Variants in SELENOO observed in about 807,000 individuals in gnomAD.
The protein encoded by SELENOO is protein adenylyltransferase SelO, mitochondrial.
SELENOO carries 74 observed loss-of-function variants against 58.7 expected under a neutral mutation model. That is an observed-to-expected ratio of 1.26 (90% CI 1.04 to 1.53). The LOEUF (loss-of-function observed/expected upper bound fraction) is 1.53. Ranked by LOEUF, SELENOO falls within the 40% of genes most tolerant of loss-of-function variation. The probability of loss-of-function intolerance (pLI) is 0.00; values close to 1 mark genes in which losing one functional copy is unlikely to be tolerated. For synonymous variants in SELENOO, 543 were observed against 453.2 expected (o/e 1.20, Z -2.52); for missense variants, 1,149 against 970.0 (o/e 1.18, Z -2.45).
chr22:50,216,342 G>A lies in SELENOO; in HGVS notation c.1503-349G>A, dbSNP rs146679650. Among the ~76,000 whole-genome samples the A allele has an allele frequency of 6.0e-3, 915 of 152,378 alleles. 8 individuals are homozygous for A. Among genetic ancestry groups the A allele is most frequent in the African/African-American group, 0.021 (862 of 41,592 alleles). On this transcript the variant is annotated intron_variant, in intron 6 of 8. Transcript: ENST00000380903. ...ATAAACCCCCTCCACTGGAGAAGGC[G>A]TGGCCCCTGCCCACCTGGACCCTTC...
At position 50,206,342 on chromosome 22, in the gene SELENOO, C is replaced by T. The variant is rs747441468; in HGVS notation, c.580C>T (p.Arg194Trp). 44 of 1,613,998 alleles carry T rather than the reference C, an allele frequency of 2.7e-5. No homozygotes were observed. Among genetic ancestry groups the T allele is most frequent in the East Asian group, 4.5e-5 (2 of 44,888 alleles). Reference protein sequence around the residue: ...SRQADGRKVLRSSIREFLCSE... With the variant: ...SRQADGRKVLWSSIREFLCSE... ...ACAGGCCGACGGTCGCAAGGTCCTA[C>T]GGTCAAGCATCCGGGAGTTTCTATG... Residue 194 changes from arginine (R) to tryptophan (W), a missense_variant, in exon 2 of 9, where the codon CGG (arginine) becomes TGG (tryptophan). By Grantham distance (101) the Arg-to-Trp change is moderately radical (BLOSUM62 -3). Coordinates refer to ENST00000380903, the MANE Select transcript of SELENOO (RefSeq NM_031454.2).
chr22:50,209,694 C>T lies in SELENOO; in HGVS notation c.940-487C>T, dbSNP rs558820876. ...TGTTCAGCAGGGCCGGTGGGGCCCT[C>T]AGTGCACCCTGCACCTTGGGGGCTC... On this transcript the variant is annotated intron_variant, in intron 3 of 8. Coordinates refer to ENST00000380903, the MANE Select transcript of SELENOO (RefSeq NM_031454.2). Among the ~76,000 whole-genome samples the T allele has an allele frequency of 5.9e-5, 9 of 152,316 alleles. No individual in the cohort carries two copies. The East Asian group carries it at 1.7e-3, about 29-fold the overall frequency.
chr22:50,216,239 G>A (rs576131187), intron 6 of SELENOO, among the ~76,000 whole-genome samples: 2 of 152,348 alleles, frequency 1.3e-5, no homozygotes, highest in East Asian at 1.9e-4. Flanking sequence ...ATGAGACGTG[G>A]AAAATATTGT....
intron 1 of SELENOO, among the ~76,000 whole-genome samples, chr22:50,204,285 C>T (rs2064318728): frequency 6.6e-6 from 1 of 151,896 alleles, no homozygotes; most frequent in African/African-American, 2.4e-5. Flanking sequence ...GAGCCAAGAT[C>T]ACACCACTGC....
Position 50,210,848 on chromosome 22 carries a change from C to T in SELENOO, c.1288C>T (p.Gln430Ter), listed in dbSNP as rs1263240619. The change falls in exon 5 of 9, where the codon CAG becomes TAG. Residue 430 changes from glutamine to a stop codon, truncating the protein, a stop_gained. Coordinates refer to ENST00000380903, the MANE Select transcript of SELENOO (RefSeq NM_031454.2). LOFTEE classifies it high-confidence loss of function. ...GATGCGCAGGAAGCTGGGCCTCGTGCAGGTGGAGCTGGAGGAAGACGGGGC... is the reference window on the plus strand; with the variant it reads ...GATGCGCAGGAAGCTGGGCCTCGTGTAGGTGGAGCTGGAGGAAGACGGGGC... ...QKMRRKLGLV[Q>*]VELEEDGALV... 52 of 1,614,032 alleles carry T rather than the reference C, an allele frequency of 3.2e-5. No individual in the cohort carries two copies. The highest frequency in any genetic ancestry group is 4.2e-5 in the Non-Finnish European group (49 of 1,180,048).
intron 5 of SELENOO, among the ~76,000 whole-genome samples, chr22:50,215,047 C>T (rs934181038): frequency 1.3e-5 from 2 of 152,126 alleles, no homozygotes; most frequent in Non-Finnish European, 2.9e-5. Context: ...TGTGTGTAGT[C>T]GACTTTTTTG....
intron 1 of SELENOO, 25 bp downstream of exon 1, chr22:50,201,615 C>CG (rs2064301920): frequency 8.0e-7 from 1 of 1,244,566 alleles, no homozygotes; most frequent in African/African-American, 1.6e-5. Context: ...GCGAGGGGCG[C>CG]GGGTGGGTCC....
chr22:50,208,581 G>A lies in SELENOO; in HGVS notation c.804G>A (p.Gly268=). 1 of 1,613,930 alleles carries A rather than the reference G, an allele frequency of 6.2e-7. No individual in the cohort carries two copies. Among genetic ancestry groups the A allele is most frequent in the African/African-American group, 1.3e-5 (1 of 75,054 alleles). The change falls in exon 3 of 9, where the codon GGG becomes GGA. Residue 268 remains glycine (G), a synonymous_variant. Coordinates refer to ENST00000380903, the MANE Select transcript of SELENOO (RefSeq NM_031454.2). The part of the protein sequence containing the change: ...EIFKSADEHT[G]RAGPSVGRND... ...TTAAGTCTGCAGATGAGCACACAGG[G>A]CGTGCAGGCCCCAGCGTGGGGAGGA...
At chr22:50,202,084 C>T (rs758732405) in intron 1 of SELENOO, among the ~76,000 whole-genome samples, 3 of 152,112 alleles carry the variant, frequency 2.0e-5, no homozygotes, top group Admixed American at 6.5e-5. Context: ...GTCCAGATGC[C>T]GCCAGGCCCA....
At chr22:50,214,996 C>T (rs2064395582) in intron 5 of SELENOO, among the ~76,000 whole-genome samples, 1 of 152,358 alleles carries the variant, frequency 6.6e-6, no homozygotes, top group African/African-American at 2.4e-5. Context: ...GGGGGAGCTT[C>T]TGCCATGTTT....
intron 3 of SELENOO, 93 bp downstream of exon 3, chr22:50,208,809 G>C: frequency 7.9e-7 from 1 of 1,270,740 alleles, no homozygotes; most frequent in Non-Finnish European, 1.1e-6. Context: ...GGGGACAAAG[G>C]CTTTTACCCA....
intron 5 of SELENOO, 79 bp from the exon 6 acceptor site, chr22:50,215,638 G>A (rs1602496518): frequency 4.2e-6 from 2 of 478,210 alleles, no homozygotes; most frequent in East Asian, 5.1e-5. Flanking sequence ...AGGGGGGTGG[G>A]GGGGGGGGGG....
At chr22:50,214,674 A>T (rs1353536941) in intron 5 of SELENOO, among the ~76,000 whole-genome samples, 1 of 152,072 alleles carries the variant, frequency 6.6e-6, no homozygotes, top group Non-Finnish European at 1.5e-5. Flanking sequence ...CTGAGGTAGG[A>T]GAATTGCTGG....
At chr22:50,210,484 G>A in intron 4 of SELENOO, 147 bp from the exon 5 acceptor site, 3 of 1,372,108 alleles carry the variant, frequency 2.2e-6, no homozygotes, top group East Asian at 2.4e-5. Flanking sequence ...CTTGGCCAGG[G>A]GCTGGTGAGA....
chr22:50,208,608 C>T lies in SELENOO; in HGVS notation c.831C>T (p.Asn277=), dbSNP rs371357829. 21 of 1,613,934 alleles carry T rather than the reference C, an allele frequency of 1.3e-5. No homozygotes were observed. The East Asian group carries it at 2.9e-4, about 22-fold the overall frequency. The change falls in exon 3 of 9, where the codon AAC becomes AAT. Residue 277 remains asparagine, a synonymous_variant. Coordinates refer to ENST00000380903, the MANE Select transcript of SELENOO (RefSeq NM_031454.2). ...TGRAGPSVGR[N]DIRVQLLDYV... ...GTGCAGGCCCCAGCGTGGGGAGGAA[C>T]GACATTCGAGTGCAGCTGCTCGACT...
intron 2 of SELENOO, among the ~76,000 whole-genome samples, chr22:50,208,254 AC>A (rs1214193064): frequency 1.3e-5 from 2 of 152,058 alleles, no homozygotes; most frequent in African/African-American, 4.8e-5. Context: ...ACATGGTGAA[AC>A]CCTGTCTCTA....
In SELENOO at chr22:50,208,601, G is replaced by A. The variant is rs745878799; in HGVS notation, c.824G>A (p.Gly275Glu). ...EHTGRAGPSV[G>E]RNDIRVQLLD... is the part of the protein sequence containing the mutation. ...ACAGGGCGTGCAGGCCCCAGCGTGG[G>A]GAGGAACGACATTCGAGTGCAGCTG... is the stretch of plus-strand genomic sequence containing the variant. Residue 275 changes from glycine to glutamate, a missense_variant, in exon 3 of 9, where the codon GGG becomes GAG. Transcript: ENST00000380903. The A allele has an allele frequency of 1.9e-6, 3 of 1,613,858 alleles. No homozygotes were observed. The African/African-American group carries it at 4.0e-5, about 22-fold the overall frequency.
chr22:50,210,990 G>A, intron 5 of SELENOO, 79 bp downstream of exon 5: 1 of 1,503,906 alleles, frequency 6.6e-7, no homozygotes, highest in African/African-American at 1.4e-5. Flanking sequence ...CTGGCTTCCA[G>A]GTTCCAAGTG....
In SELENOO at chr22:50,210,547, C is replaced by T. The variant is rs2147163121; in HGVS notation, c.1071-84C>T. 8 of 1,588,682 alleles carry T rather than the reference C, an allele frequency of 5.0e-6. No individual in the cohort carries two copies. In the African/African-American group the frequency reaches 5.4e-5, roughly 11 times the overall value. Reference sequence around the variant, plus strand: ...AGCCACGGCCACTTGGGACCTTCCCCTGGGCCTCCCCTCCAGGGTGGCTGC... The same window carrying T: ...AGCCACGGCCACTTGGGACCTTCCCTTGGGCCTCCCCTCCAGGGTGGCTGC... On this transcript the variant is annotated intron_variant, in intron 4 of 8. Transcript: ENST00000380903.
Sources: gnomAD v4.1 joint callset for allele counts (sites outside exome capture counted in the v4.1 genomes callset) on GRCh38, gnomAD v4.1.1 for gene constraint, MANE v1.5 for transcripts, NCBI Gene and HGNC (gene_info 2026-07-23, HGNC 2026-07-21) for gene names.